Variants in TJP3 observed in about 807,000 individuals in gnomAD.
The protein encoded by TJP3 is tight junction protein 3, also known as tight junction protein ZO-3.
A neutral mutation model predicts 104.2 loss-of-function variants in TJP3; 85 were observed. The ratio of observed to expected loss-of-function variants is 0.82; its 90% CI spans 0.68 to 0.98. TJP3 has a LOEUF of 0.98. TJP3 is among the 50% of genes least tolerant of loss of function. TJP3 has a pLI of 0.00. For missense variants in TJP3, 1,367 were observed against 1,322.8 expected, an observed-to-expected ratio of 1.03 and a Z score of -0.52; for synonymous variants, 550 against 550.6, an observed-to-expected ratio of 1.00 and a Z score of 0.02.
At chr19:3,741,092 C>G (rs556242662) in intron 14 of TJP3, among the ~76,000 whole-genome samples, 1 of 152,170 alleles carries the variant, frequency 6.6e-6, no homozygotes, top group African/African-American at 2.4e-5. Flanking sequence ...CCCCTGCCTC[C>G]CTGATTCAAG....
chr19:3,737,632 G>A (rs1168348951), intron 11 of TJP3, among the ~76,000 whole-genome samples: 3 of 151,990 alleles, frequency 2.0e-5, no homozygotes, highest in Non-Finnish European at 4.4e-5. Flanking sequence ...CCCCCACTTT[G>A]CTCTCATGAC....
intron 1 of TJP3, among the ~76,000 whole-genome samples, chr19:3,709,264 T>A (rs2036411998): frequency 6.6e-6 from 1 of 152,024 alleles, no homozygotes; most frequent in African/African-American, 2.4e-5. Context: ...CCCAGCTAAT[T>A]TTTGTATTTT....
intron 1 of TJP3, among the ~76,000 whole-genome samples, chr19:3,724,486 T>C (rs2036577870): frequency 6.6e-6 from 1 of 152,220 alleles, no homozygotes. Context: ...TGAGCCACTG[T>C]GCCCGGGCAG....
chr19:3,745,972 T>C (rs2036881192), intron 15 of TJP3, 39 bp from the exon 16 acceptor site: 1 of 1,547,604 alleles, frequency 6.5e-7, no homozygotes. Context: ...GGACGGGGGC[T>C]GCCCTCCTGA....
At position 3,734,409 on chromosome 19, in the gene TJP3, C is replaced by G. The variant is rs755997157; in HGVS notation, c.960C>G (p.Pro320=). Residue 320 remains proline, a synonymous_variant, in exon 8 of 21, where the codon CCC becomes CCG. Coordinates refer to ENST00000541714, the MANE Select transcript of TJP3 (RefSeq NM_001267560.2). ...PPPPRHAQRS[P]EASQTDSPVE... is the part of the protein sequence containing the mutation. ...CACCCCGGCATGCTCAGCGGAGCCC[C>G]GAGGCCAGCCAGACCGACTCTCCCG... The G allele has an allele frequency of 6.2e-7, 1 of 1,611,278 alleles. No individual in the cohort carries two copies. The highest frequency in any genetic ancestry group is 8.5e-7 in the Non-Finnish European group (1 of 1,179,360).
At chr19:3,734,683 G>A (rs1248653023) in intron 8 of TJP3, among the ~76,000 whole-genome samples, 2 of 152,158 alleles carry the variant, frequency 1.3e-5, no homozygotes, top group African/African-American at 2.4e-5. Flanking sequence ...GGCCAGGTGC[G>A]GTGGCTCACG....
At chr19:3,723,545 A>C (rs530616831) in intron 1 of TJP3, among the ~76,000 whole-genome samples, 8 of 152,138 alleles carry the variant, frequency 5.3e-5, no homozygotes, top group Non-Finnish European at 8.8e-5. Context: ...TAATCCCAGC[A>C]CTTTGGGAGG....
chr19:3,716,262 G>A (rs1014052335), intron 1 of TJP3, among the ~76,000 whole-genome samples: 1 of 148,266 alleles, frequency 6.7e-6, no homozygotes, highest in Non-Finnish European at 1.5e-5. Context: ...GAGTAGAGAC[G>A]GGGTTTCACC....
rs2036738300 is a variant in TJP3 at position 3,736,260 on chromosome 19, G to T, written c.1223G>T (p.Gly408Val). The change falls in exon 11 of 21, where the codon GGG becomes GTG. Residue 408 changes from glycine (G) to valine (V), a missense_variant. Gly to Val is a moderately radical substitution (Grantham distance 109). Coordinates refer to ENST00000541714, the MANE Select transcript of TJP3 (RefSeq NM_001267560.2). The part of the protein sequence containing the change: ...GGNDVGIFVS[G>V]VQAGSPADGQ... ...AATGACGTGGGCATCTTCGTGTCCG[G>T]GGTGCAGGCGGGCAGCCCGGCCGAC... The T allele has an allele frequency of 6.4e-7, 1 of 1,552,994 alleles. No individual in the cohort carries two copies. Among genetic ancestry groups the T allele is most frequent in the Non-Finnish European group, 8.7e-7 (1 of 1,151,758 alleles).
chr19:3,728,551 A>C (rs1599150390), intron 2 of TJP3, 53 bp from the exon 3 acceptor site: 1 of 1,598,626 alleles, frequency 6.3e-7, no homozygotes, highest in Non-Finnish European at 8.5e-7. Context: ...TAGAGGGGAG[A>C]CCCTTTACCC....
Position 3,746,575 on chromosome 19 carries a change from G to A in TJP3, c.2101G>A (p.Glu701Lys), listed in dbSNP as rs115816600. The change falls in exon 17 of 21, where the codon GAG (glutamate) becomes AAG (lysine). Residue 701 changes from glutamate to lysine, a missense_variant. Coordinates refer to ENST00000541714, the MANE Select transcript of TJP3 (RefSeq NM_001267560.2). The surrounding 1 kb of genome is among the most constrained non-coding windows in gnomAD (Gnocchi z 4.1). Reference sequence around the variant, plus strand: ...CCCCATTGTGGTCTTCTTCATCCCCGAGAGCCGGCCGGCCCTCAAGGCACT... The same window carrying A: ...CCCCATTGTGGTCTTCTTCATCCCCAAGAGCCGGCCGGCCCTCAAGGCACT... Reference protein sequence around the residue: ...YYPIVVFFIPESRPALKALRQ... With the variant: ...YYPIVVFFIPKSRPALKALRQ... 2.2e-4 allele frequency: 349 copies of A among 1,613,914 alleles called. 1 individual carries two copies. In the African/African-American group the frequency reaches 3.7e-3, roughly 17 times the overall value.
At chr19:3,728,146 AG>A (rs1383044391) in intron 1 of TJP3, among the ~76,000 whole-genome samples, 7 of 151,920 alleles carry the variant, frequency 4.6e-5, no homozygotes, top group African/African-American at 1.7e-4. Flanking sequence ...AGGCTGAGGC[AG>A]GAGAATCGCT....
Position 3,730,609 on chromosome 19 carries a change from C to T in TJP3, c.516C>T (p.Asn172=), listed in dbSNP as rs564370441. Residue 172 remains asparagine (N), a synonymous_variant, in exon 5 of 21, where the codon AAC becomes AAT. Coordinates refer to ENST00000541714, the MANE Select transcript of TJP3 (RefSeq NM_001267560.2). The surrounding 1 kb of genome is among the most constrained non-coding windows in gnomAD (Gnocchi z 7.3). ...GCCCAGGTGGTGGCTCTGAGGCCAA[C>T]GGGCTGGCCCTGGTGTCCGGCTTTA... The part of the protein sequence containing the change: ...RRSPGGGSEA[N]GLALVSGFKR... 2.8e-5 allele frequency: 45 copies of T among 1,611,586 alleles called. No individual in the cohort carries two copies. The South Asian group carries it at 3.2e-4, about 11-fold the overall frequency.
chr19:3,723,708 G>A (rs1315858943), intron 1 of TJP3, among the ~76,000 whole-genome samples: 1 of 151,216 alleles, frequency 6.6e-6, no homozygotes. Flanking sequence ...CACGAGAATT[G>A]CTGGAACCCA....
At chr19:3,738,755 C>T in intron 12 of TJP3, 92 bp downstream of exon 12, 1 of 1,336,174 alleles carries the variant, frequency 7.5e-7, no homozygotes, top group Non-Finnish European at 1.1e-6. Flanking sequence ...GTGGTTGAAT[C>T]TGCATCTCTG....
At chr19:3,733,028 T>TC (rs1181915920) in intron 6 of TJP3, among the ~76,000 whole-genome samples, 1 of 117,290 alleles carries the variant, frequency 8.5e-6, no homozygotes, top group Non-Finnish European at 1.9e-5. Flanking sequence ...TTCTCTTCTC[T>TC]TTTTTCTTTT....
Position 3,748,000 on chromosome 19 carries a change from C to G in TJP3, c.2529C>G (p.Ala843=). The G allele has an allele frequency of 2.5e-6, 4 of 1,610,402 alleles. No individual in the cohort carries two copies. The highest frequency in any genetic ancestry group is 3.4e-6 in the Non-Finnish European group (4 of 1,178,806). The part of the protein sequence containing the change: ...VDDEPPAPAL[A]RSSEPVQADE... ...ATGAGCCCCCGGCTCCAGCCCTGGC[C>G]CGGTCCTCGGAGCCCGTGCAGGCAG... is the stretch of plus-strand genomic sequence containing the variant. Residue 843 remains alanine, a synonymous_variant, in exon 19 of 21, where the codon GCC becomes GCG. Coordinates refer to ENST00000541714, the MANE Select transcript of TJP3 (RefSeq NM_001267560.2).
chr19:3,735,182 A>G (rs2036722487), intron 8 of TJP3, among the ~76,000 whole-genome samples: 1 of 151,826 alleles, frequency 6.6e-6, no homozygotes, highest in Non-Finnish European at 1.5e-5. Flanking sequence ...AATTAAAATT[A>G]TTTTTATTTT....
rs2036651564 is a variant in TJP3 at position 3,730,282 on chromosome 19, C to A, written c.262-73C>A. 2.0e-6 allele frequency: 3 copies of A among 1,480,934 alleles called. No individual in the cohort carries two copies. Among genetic ancestry groups the A allele is most frequent in the Non-Finnish European group, 9.1e-7 (1 of 1,095,038 alleles). 91.7% of individuals were successfully genotyped at this position (1,480,934 alleles called of 1,614,324 possible). On this transcript the variant is annotated intron_variant, in intron 4 of 20. Transcript: ENST00000541714. The surrounding 1 kb of genome is among the most constrained non-coding windows in gnomAD (Gnocchi z 7.3). ...AGAGAGAGACTGGTGTCCCCCAGGG[C>A]CACCCGGGGGCTGAGCAGAGCCTCC...
Sources: allele counts gnomAD v4.1 joint callset (sites outside exome capture counted in the v4.1 genomes callset), GRCh38; gene constraint gnomAD v4.1.1; non-coding constraint Gnocchi (gnomAD v3.1); transcripts MANE v1.5; gene names NCBI Gene and HGNC (gene_info 2026-07-23, HGNC 2026-07-21).